The following DIP2B variants were observed in gnomAD, a reference collection of about 807,000 sequenced individuals.
DIP2B encodes DIP2 acetate--CoA ligase B (putative).
DIP2B carries 76 observed loss-of-function variants against 198.0 expected under a neutral mutation model. The ratio of observed to expected loss-of-function variants is 0.38; its 90% CI spans 0.32 to 0.46. The LOEUF (loss-of-function observed/expected upper bound fraction) is 0.46, where lower values mean the gene tolerates loss of function less well. DIP2B is among the 20% of genes least tolerant of loss of function. The probability of loss-of-function intolerance (pLI) is 0.99; values close to 1 mark genes in which losing one functional copy is unlikely to be tolerated. For missense variants in DIP2B, 1,559 were observed against 1,978.4 expected, an observed-to-expected ratio of 0.79 and a Z score of 4.02; for synonymous variants, 701 against 739.1, an observed-to-expected ratio of 0.95 and a Z score of 0.84.
rs901155091 is a variant in DIP2B at position 50,660,862 on chromosome 12, AT to A, written c.427+547del. Among the ~76,000 whole-genome samples, 12 of 152,250 alleles carry A rather than the reference AT, an allele frequency of 7.9e-5. No homozygotes were observed. In the Middle Eastern group the frequency reaches 0.01, roughly 129 times the overall value. On this transcript the variant is annotated intron_variant, in intron 4 of 37. Transcript: ENST00000301180. ...TGTTTATGTGTGTGTGTGTTAATGT[AT>A]TTTGTACACATTTATTTATTTTTTA...
chr12:50,689,730 G>T (rs1443471533), intron 12 of DIP2B, among the ~76,000 whole-genome samples: 1 of 152,166 alleles, frequency 6.6e-6, no homozygotes, highest in Non-Finnish European at 1.5e-5. Context: ...AGGCTGGGTT[G>T]AAGATAGAGA....
intron 1 of DIP2B, among the ~76,000 whole-genome samples, chr12:50,549,633 AG>A (rs1958409040): frequency 7.2e-6 from 1 of 138,326 alleles, no homozygotes; most frequent in Non-Finnish European, 1.5e-5. Context: ...TGGGAGGCAG[AG>A]GTTGCAGTGA....
intron 4 of DIP2B, 89 bp from the exon 5 acceptor site, chr12:50,671,097 C>T (rs1034471068): frequency 4.0e-5 from 52 of 1,293,766 alleles, no homozygotes; most frequent in Middle Eastern, 5.5e-4. Flanking sequence ...TTGCTGGTGT[C>T]GAAACTGAAT....
intron 1 of DIP2B, among the ~76,000 whole-genome samples, chr12:50,541,648 T>C (rs1296948110): frequency 6.6e-6 from 1 of 152,162 alleles, no homozygotes; most frequent in African/African-American, 2.4e-5. Context: ...TCTAATTTCT[T>C]CTGCTAACCC....
chr12:50,614,261 T>C (rs1045156801), intron 1 of DIP2B, among the ~76,000 whole-genome samples: 2 of 152,190 alleles, frequency 1.3e-5, no homozygotes, highest in Non-Finnish European at 2.9e-5. Context: ...TGTGCACTCA[T>C]CTTCTCCTCT....
chr12:50,689,889 A>T (rs781360377), intron 12 of DIP2B, among the ~76,000 whole-genome samples: 1 of 152,058 alleles, frequency 6.6e-6, no homozygotes, highest in Non-Finnish European at 1.5e-5. Context: ...GAAGGAGAAA[A>T]CATCAAGAAA....
chr12:50,743,382 A>C (rs1940290440), intron 37 of DIP2B, among the ~76,000 whole-genome samples: 1 of 152,050 alleles, frequency 6.6e-6, no homozygotes, highest in African/African-American at 2.4e-5. Flanking sequence ...CACCCAACTG[A>C]AATCTGTTTT....
intron 36 of DIP2B, among the ~76,000 whole-genome samples, chr12:50,740,814 G>C (rs1940228461): frequency 6.6e-6 from 1 of 152,066 alleles, no homozygotes; most frequent in South Asian, 2.1e-4. Flanking sequence ...TAGAAAAAAT[G>C]ACACTTGTTC....
intron 15 of DIP2B, 141 bp from the exon 16 acceptor site, chr12:50,695,707 C>T: frequency 8.3e-7 from 1 of 1,200,764 alleles, no homozygotes; most frequent in Non-Finnish European, 1.2e-6. Flanking sequence ...GAGCTATTGG[C>T]ACAATCTCTT....
intron 23 of DIP2B, 151 bp from the exon 24 acceptor site, chr12:50,718,558 C>A: frequency 1.5e-6 from 1 of 648,594 alleles, no homozygotes; most frequent in East Asian, 2.7e-5. Flanking sequence ...GCTCTTTGCC[C>A]TATTTGCTCC....
At chr12:50,727,558 A>G (rs1349262275) in intron 28 of DIP2B, 145 bp from the exon 29 acceptor site, 1 of 703,236 alleles carries the variant, frequency 1.4e-6, no homozygotes, top group Non-Finnish European at 2.5e-6. Context: ...AGAATGACAT[A>G]TGTGAGCTAC....
chr12:50,648,071 A>G (rs925294695), intron 3 of DIP2B, among the ~76,000 whole-genome samples: 1 of 152,062 alleles, frequency 6.6e-6, no homozygotes, highest in Non-Finnish European at 1.5e-5. Context: ...GCGCCACTGC[A>G]CTCCAGCCTA....
At chr12:50,667,038 T>C (rs1938766852) in intron 4 of DIP2B, among the ~76,000 whole-genome samples, 1 of 152,106 alleles carries the variant, frequency 6.6e-6, no homozygotes. Flanking sequence ...TTAGCTAAGT[T>C]TTGCATTTTT....
intron 1 of DIP2B, among the ~76,000 whole-genome samples, chr12:50,622,665 G>A (rs544733327): frequency 2.0e-5 from 3 of 152,206 alleles, no homozygotes; most frequent in South Asian, 4.1e-4. Context: ...CTGGAGTACA[G>A]CGGTGTGATC....
chr12:50,546,095 C>G (rs1220230107), intron 1 of DIP2B, among the ~76,000 whole-genome samples: 1 of 152,206 alleles, frequency 6.6e-6, no homozygotes, highest in African/African-American at 2.4e-5. Context: ...ATTGTATTAT[C>G]TTATTCTAAT....
chr12:50,695,428 G>A, intron 15 of DIP2B, 68 bp downstream of exon 15: 1 of 1,484,616 alleles, frequency 6.7e-7, no homozygotes, highest in Non-Finnish European at 9.4e-7. Context: ...GGATTTCAGA[G>A]ATTTTCAAAT....
chr12:50,689,455 G>A (rs1307170238), intron 12 of DIP2B, among the ~76,000 whole-genome samples: 1 of 152,186 alleles, frequency 6.6e-6, no homozygotes, highest in Non-Finnish European at 1.5e-5. Context: ...CAAAGTAGAT[G>A]GAGCTTCAGA....
At chr12:50,614,956 T>C (rs1307836315) in intron 1 of DIP2B, among the ~76,000 whole-genome samples, 1 of 152,206 alleles carries the variant, frequency 6.6e-6, no homozygotes, top group Non-Finnish European at 1.5e-5. Context: ...GCTTTCACTT[T>C]TTTTGCGCCT....
chr12:50,540,110 ATT>A (rs71083594), intron 1 of DIP2B, among the ~76,000 whole-genome samples: 4 of 62,154 alleles, frequency 6.4e-5, no homozygotes, highest in Non-Finnish European at 1.2e-4. Flanking sequence ...AGCTATGAAC[ATT>A]TTTTTTTTTT....
Sources: gnomAD v4.1 joint callset for allele counts (sites outside exome capture counted in the v4.1 genomes callset) on GRCh38, gnomAD v4.1.1 for gene constraint, MANE v1.5 for transcripts, NCBI Gene and HGNC (gene_info 2026-07-23, HGNC 2026-07-21) for gene names.